ARPIN: variants seen among roughly 807,000 people sequenced by gnomAD.
The protein encoded by ARPIN is actin related protein 2/3 complex inhibitor.
ARPIN carries 23 observed loss-of-function variants against 25.9 expected under a neutral mutation model. The observed-to-expected ratio is 0.89, with a 90% CI of 0.64 to 1.26. The LOEUF is 1.26. Ranked by LOEUF, ARPIN falls within the 50% of genes most tolerant of loss-of-function variation. ARPIN has a pLI of 0.00. For missense variants in ARPIN, 333 were observed against 312.2 expected (o/e 1.07, Z -0.50); for synonymous variants, 126 against 131.4 (o/e 0.96, Z 0.28).
Position 89,895,665 on chromosome 15 carries a change from T to C in ARPIN, c.*6130A>G, listed in dbSNP as rs1236379562. 1.3e-5 allele frequency: 2 copies of C among 152,282 alleles called. No homozygotes were observed. Among genetic ancestry groups the C allele is most frequent in the African/African-American group, 4.8e-5 (2 of 41,474 alleles). 9.4% of individuals were successfully genotyped at this position (152,282 alleles called of 1,614,324 possible). On this transcript the variant is annotated 3_prime_UTR_variant, in exon 6 of 6. Coordinates refer to ENST00000357484, the MANE Select transcript of ARPIN (RefSeq NM_182616.4). ...GTGATTTAAAAACATCTTTGGGTGG[T>C]AGGATTATCAAGTTTTCCTTTTTTT...
intron 5 of ARPIN, chr15:89,902,819 A>G (rs1897044615): frequency 4.4e-6 from 5 of 1,126,634 alleles, no homozygotes; most frequent in Non-Finnish European, 2.2e-6. Flanking sequence ...GCCATTCTCC[A>G]GACACTTCAG....
chr15:89,910,616 A>T, intron 2 of ARPIN, 128 bp downstream of exon 2: 1 of 1,125,522 alleles, frequency 8.9e-7, no homozygotes, highest in Non-Finnish European at 1.3e-6. Context: ...CCTACTTCCC[A>T]CTTGCTTTCT....
chr15:89,912,883 G>C lies in ARPIN; in HGVS notation c.-48C>G, dbSNP rs748845852. ...CGGCACAGAGCCGGCGCACTGGGCT[G>C]GGGGCGCGGCGCGGGAAGTGCTGCA... On this transcript the variant is annotated 5_prime_UTR_variant, in exon 1 of 6. Transcript: ENST00000357484. 3 of 1,478,366 alleles carry C rather than the reference G, an allele frequency of 2.0e-6. No homozygotes were observed. In the East Asian group the frequency reaches 8.6e-5, roughly 43 times the overall value. The allele number at this position is 1,478,366 out of a possible 1,614,324, so 91.6% of individuals were successfully genotyped here. A position where few individuals can be genotyped will look rare whatever the true frequency, so the allele number is the denominator to read the frequency against.
chr15:89,907,187 C>T (rs1251062649), intron 3 of ARPIN, among the ~76,000 whole-genome samples: 1 of 151,756 alleles, frequency 6.6e-6, no homozygotes, highest in African/African-American at 2.4e-5. Flanking sequence ...CCTGCCTCAG[C>T]CTCCCAGATA....
intron 5 of ARPIN, 105 bp from the exon 6 acceptor site, chr15:89,901,908 C>A: frequency 7.3e-7 from 1 of 1,364,604 alleles, no homozygotes; most frequent in South Asian, 1.2e-5. Context: ...ACCTGTGGGG[C>A]CCATGAGTGC....
intron 3 of ARPIN, among the ~76,000 whole-genome samples, chr15:89,906,967 A>G (rs762040877): frequency 3.3e-5 from 5 of 151,810 alleles, no homozygotes; most frequent in Non-Finnish European, 7.4e-5. Context: ...ACAGCAAAAG[A>G]AAAGGAAAAA....
At position 89,901,533 on chromosome 15, in the gene ARPIN, C is replaced by T; in HGVS notation, c.*262G>A. Reference sequence around the variant, plus strand: ...CATCTCTAATTTTTTTTTAAAGGGTCATCATGTAATGTCTAGGAAGGCTAG... The same window carrying T: ...CATCTCTAATTTTTTTTTAAAGGGTTATCATGTAATGTCTAGGAAGGCTAG... On this transcript the variant is annotated 3_prime_UTR_variant, in exon 6 of 6. Coordinates refer to ENST00000357484, the MANE Select transcript of ARPIN (RefSeq NM_182616.4). 2 of 519,704 alleles carry T rather than the reference C, an allele frequency of 3.8e-6. No homozygotes were observed. Among genetic ancestry groups the T allele is most frequent in the African/African-American group, 1.9e-5 (1 of 51,344 alleles). The allele number at this position is 519,704 out of a possible 1,614,324, so 32.2% of individuals were successfully genotyped here. A position where few individuals can be genotyped will look rare whatever the true frequency, so the allele number is the denominator to read the frequency against.
At chr15:89,905,380 G>A (rs964632895) in intron 3 of ARPIN, among the ~76,000 whole-genome samples, 1 of 151,850 alleles carries the variant, frequency 6.6e-6, no homozygotes, top group South Asian at 2.1e-4. Context: ...CAAAGGATAG[G>A]AGGCCTCTCC....
rs766203868 is a variant in ARPIN, at chr15:89,903,949, C to A, written c.336G>T (p.Thr112=). 2.5e-6 allele frequency: 4 copies of A among 1,610,238 alleles called. No individual in the cohort carries two copies. The African/African-American group carries it at 4.0e-5, about 16-fold the overall frequency. The stretch of plus-strand genomic sequence containing the variant: ...TGACCAGCCCCTTCAGCGCCTCGGG[C>A]GTGAGCCTGTCAGTGTCCCCCTTGG... ...VEAKGDTDRL[T]PEALKGLVNK... Residue 112 remains threonine (T), a synonymous_variant, in exon 4 of 6, where the codon ACG becomes ACT. Transcript: ENST00000357484.
chr15:89,903,467 C>T, intron 4 of ARPIN, 88 bp from the exon 5 acceptor site: 1 of 1,578,436 alleles, frequency 6.3e-7, no homozygotes, highest in Non-Finnish European at 8.6e-7. Flanking sequence ...GTCCCCTAGG[C>T]CTGGGTTAAA....
Position 89,897,275 on chromosome 15 carries a change from A to C in ARPIN, c.*4520T>G, listed in dbSNP as rs890108337. On this transcript the variant is annotated 3_prime_UTR_variant, in exon 6 of 6. Coordinates refer to ENST00000357484, the MANE Select transcript of ARPIN (RefSeq NM_182616.4). ...TGAGGAGTGAGGATCACTTGAGATC[A>C]GAAGTTCAAGAAAAGCCTGGCTGAC... The C allele has an allele frequency of 6.6e-6, 1 of 152,130 alleles. No individual in the cohort carries two copies. The highest frequency in any genetic ancestry group is 1.5e-5 in the Non-Finnish European group (1 of 68,028). The allele number at this position is 152,130 out of a possible 1,614,324, so 9.4% of individuals were successfully genotyped here. A position where few individuals can be genotyped will look rare whatever the true frequency, so the allele number is the denominator to read the frequency against.
chr15:89,910,669 G>C, intron 2 of ARPIN, 75 bp downstream of exon 2: 1 of 1,589,270 alleles, frequency 6.3e-7, no homozygotes, highest in Non-Finnish European at 8.6e-7. Flanking sequence ...GAAGGACCCA[G>C]CACAAGGAGA....
intron 3 of ARPIN, among the ~76,000 whole-genome samples, chr15:89,908,012 A>G (rs1309868712): frequency 6.6e-6 from 1 of 152,162 alleles, no homozygotes; most frequent in Non-Finnish European, 1.5e-5. Flanking sequence ...GCCCAAAGCC[A>G]GGTTTGTGGG....
intron 1 of ARPIN, 81 bp downstream of exon 1, chr15:89,912,663 T>TGCCCCC: frequency 3.4e-6 from 3 of 871,112 alleles, no homozygotes; most frequent in East Asian, 2.0e-4. Flanking sequence ...CCCACCCGCA[T>TGCCCCC]CCCACCCCCC....
At chr15:89,910,080 A>C (rs1325590531) in intron 2 of ARPIN, among the ~76,000 whole-genome samples, 1 of 152,184 alleles carries the variant, frequency 6.6e-6, no homozygotes, top group Non-Finnish European at 1.5e-5. Flanking sequence ...GGGTGCAGCA[A>C]AATACCGCCT....
At position 89,903,379 on chromosome 15, in the gene ARPIN, T is replaced by C. The variant is rs1182590770; in HGVS notation, c.509A>G (p.Asp170Gly). 7 of 1,614,036 alleles carry C rather than the reference T, an allele frequency of 4.3e-6. No individual in the cohort carries two copies. The highest frequency in any genetic ancestry group is 5.9e-6 in the Non-Finnish European group (7 of 1,180,028). Residue 170 changes from aspartate to glycine, a missense_variant and splice_region_variant, in exon 5 of 6, where the codon GAT becomes GGT. Asp to Gly is a moderately conservative substitution (Grantham distance 94). Transcript: ENST00000357484. ...TCCAGCCTCAAGTTTGGCCAATGAA[T>C]CTGAAAGAAGAGATGAAATTGAATG... is the stretch of plus-strand genomic sequence containing the variant. The part of the protein sequence containing the change: ...LKTRGDGPFL[D>G]SLAKLEAGTV...
At position 89,895,242 on chromosome 15, in the gene ARPIN, C is replaced by T. The variant is rs1260161356; in HGVS notation, c.*6553G>A. On this transcript the variant is annotated 3_prime_UTR_variant, in exon 6 of 6. Transcript: ENST00000357484. Reference sequence around the variant, plus strand: ...GAAATATTAAATAGATAATAAAAATCATGCTGGGAAAGATTTATGATACGG... The same window carrying T: ...GAAATATTAAATAGATAATAAAAATTATGCTGGGAAAGATTTATGATACGG... The T allele has an allele frequency of 6.6e-6, 1 of 152,108 alleles. No individual in the cohort carries two copies. The highest frequency in any genetic ancestry group is 2.4e-5 in the African/African-American group (1 of 41,418). 9.4% of individuals were successfully genotyped at this position (152,108 alleles called of 1,614,324 possible). A position where few individuals can be genotyped will look rare whatever the true frequency, so the allele number is the denominator to read the frequency against.
At chr15:89,904,219 C>T (rs1897079472) in intron 3 of ARPIN, among the ~76,000 whole-genome samples, 1 of 152,180 alleles carries the variant, frequency 6.6e-6, no homozygotes, top group Non-Finnish European at 1.5e-5. Flanking sequence ...AGGCAAGTTA[C>T]ATCACCTCTC....
At chr15:89,911,757 A>T (rs1897227633) in intron 1 of ARPIN, among the ~76,000 whole-genome samples, 1 of 152,134 alleles carries the variant, frequency 6.6e-6, no homozygotes, top group Non-Finnish European at 1.5e-5. Context: ...TTATTCTATA[A>T]CTGAAAGTTT....
Sources: gnomAD v4.1 joint callset for allele counts (sites outside exome capture counted in the v4.1 genomes callset) on GRCh38, gnomAD v4.1.1 for gene constraint, MANE v1.5 for transcripts, NCBI Gene and HGNC (gene_info 2026-07-23, HGNC 2026-07-21) for gene names.